Variants in PAH observed in about 807,000 individuals in gnomAD.
PAH encodes the protein phenylalanine hydroxylase.
In PAH, 64 loss-of-function variants were observed where a neutral mutation model predicts 62.0. The observed-to-expected ratio is 1.03, with a 90% CI of 0.84 to 1.27. The LOEUF (loss-of-function observed/expected upper bound fraction) is 1.27, where lower values mean the gene tolerates loss of function less well. PAH is among the 50% of genes most tolerant of loss of function. PAH has a pLI of 0.00. For missense variants in PAH, 579 were observed against 542.8 expected (o/e 1.07, Z -0.66); for synonymous variants, 195 against 196.2 (o/e 0.99, Z 0.05).
chr12:102,861,350 T>C (rs539166672), intron 5 of PAH, among the ~76,000 whole-genome samples: 2 of 152,284 alleles, frequency 1.3e-5, no homozygotes, highest in South Asian at 4.1e-4. Context: ...GGAGAGGATA[T>C]GGAGAAATAG....
chr12:102,944,245 T>C (rs7299942), intron 1 of PAH, among the ~76,000 whole-genome samples: 46,548 of 152,008 alleles, frequency 0.31, 7,978 homozygotes, highest in African/African-American at 0.47. Context: ...GGTAGTCCTA[T>C]TTGGGTTAAA....
chr12:102,927,222 G>T (rs1878708737), intron 1 of PAH, among the ~76,000 whole-genome samples: 2 of 151,812 alleles, frequency 1.3e-5, no homozygotes, highest in African/African-American at 2.4e-5. Context: ...AAAATGGAAG[G>T]CTTAGGAGTA....
At chr12:102,948,579 A>G (rs1879600592) in intron 1 of PAH, among the ~76,000 whole-genome samples, 1 of 152,206 alleles carries the variant, frequency 6.6e-6, no homozygotes, top group South Asian at 2.1e-4. Flanking sequence ...GTAATAACTT[A>G]CTGAGCCTCT....
intron 9 of PAH, among the ~76,000 whole-genome samples, chr12:102,845,411 AGACTGGG>A (rs1874793344): frequency 6.6e-6 from 1 of 152,214 alleles, no homozygotes; most frequent in Admixed American, 6.5e-5. Context: ...GGGAGGTAGC[AGACTGGG>A]TAGTGATAGA....
chr12:102,915,962 C>T (rs1326479128), intron 1 of PAH, among the ~76,000 whole-genome samples: 2 of 152,110 alleles, frequency 1.3e-5, no homozygotes, highest in African/African-American at 2.4e-5. Flanking sequence ...AACCCCTATG[C>T]TTTCCTGATG....
intron 2 of PAH, among the ~76,000 whole-genome samples, chr12:102,912,499 G>A (rs1878238299): frequency 6.6e-6 from 1 of 151,936 alleles, no homozygotes; most frequent in Admixed American, 6.6e-5. Context: ...AGTTAATCAT[G>A]CCTAATCACA....
intron 1 of PAH, among the ~76,000 whole-genome samples, chr12:102,948,607 T>C (rs934211352): frequency 2.6e-5 from 4 of 152,238 alleles, no homozygotes; most frequent in African/African-American, 9.6e-5. Flanking sequence ...CTCAAGTCAC[T>C]AGGGCATCCT....
intron 1 of PAH, among the ~76,000 whole-genome samples, chr12:102,930,166 GCTAT>G (rs1323160172): frequency 2.6e-5 from 4 of 152,054 alleles, no homozygotes; most frequent in Non-Finnish European, 5.9e-5. Flanking sequence ...AGTCACACAG[GCTAT>G]CTGAGTCCAA....
intron 2 of PAH, among the ~76,000 whole-genome samples, chr12:102,905,825 T>TAA (rs749063955): frequency 1.5e-5 from 2 of 134,866 alleles, no homozygotes; most frequent in Non-Finnish European, 1.6e-5. Context: ...CAGTGGAATT[T>TAA]AAAAAAAAAA....
chr12:102,911,947 T>C (rs1209804223), intron 2 of PAH, among the ~76,000 whole-genome samples: 2 of 152,226 alleles, frequency 1.3e-5, no homozygotes, highest in Non-Finnish European at 2.9e-5. Context: ...AATATTAGCA[T>C]AGTACTCGGA....
chr12:102,851,812 A>C, intron 7 of PAH, 56 bp from the exon 8 acceptor site: 1 of 1,344,948 alleles, frequency 7.4e-7, no homozygotes, highest in Non-Finnish European at 1.1e-6. Flanking sequence ...GCCAAGCCAG[A>C]CTCAGTCTTT....
chr12:102,861,472 C>A (rs1364179626), intron 5 of PAH, among the ~76,000 whole-genome samples: 1 of 152,152 alleles, frequency 6.6e-6, no homozygotes, highest in African/African-American at 2.4e-5. Context: ...ACAGCCATCC[C>A]ATTACTGGGT....
intron 3 of PAH, among the ~76,000 whole-genome samples, chr12:102,883,730 A>T (rs1381312231): frequency 6.6e-6 from 1 of 152,162 alleles, no homozygotes; most frequent in African/African-American, 2.4e-5. Flanking sequence ...TGGTGGCTTC[A>T]GGACCCCATC....
intron 11 of PAH, among the ~76,000 whole-genome samples, chr12:102,841,283 G>C (rs533926190): frequency 1.2e-3 from 176 of 152,280 alleles, no homozygotes; most frequent in Non-Finnish European, 1.7e-3. Flanking sequence ...GGGACATCAT[G>C]CAATACCATT....
At chr12:102,947,651 C>T (rs542081030) in intron 1 of PAH, among the ~76,000 whole-genome samples, 70 of 152,312 alleles carry the variant, frequency 4.6e-4, no homozygotes, top group African/African-American at 1.7e-3. Flanking sequence ...GATGAGTGAT[C>T]AGCAGGGCCA....
At chr12:102,916,223 C>A (rs1261123702) in intron 1 of PAH, among the ~76,000 whole-genome samples, 2 of 151,962 alleles carry the variant, frequency 1.3e-5, no homozygotes, top group Non-Finnish European at 2.9e-5. Flanking sequence ...TAACATTAAC[C>A]ATTCTTTTCT....
At chr12:102,867,402 A>G (rs1040507421) in intron 4 of PAH, among the ~76,000 whole-genome samples, 4 of 152,206 alleles carry the variant, frequency 2.6e-5, no homozygotes, top group Admixed American at 2.0e-4. Flanking sequence ...GCCTTTTCCC[A>G]GTGATTTGTA....
intron 1 of PAH, among the ~76,000 whole-genome samples, chr12:102,916,321 TG>T (rs1347703709): frequency 1.3e-5 from 2 of 152,208 alleles, no homozygotes; most frequent in Non-Finnish European, 2.9e-5. Flanking sequence ...TTCCCTGGCC[TG>T]GGCTTTATGA....
chr12:102,909,648 T>C (rs1324554862), intron 2 of PAH, among the ~76,000 whole-genome samples: 2 of 152,198 alleles, frequency 1.3e-5, no homozygotes, highest in Non-Finnish European at 2.9e-5. Flanking sequence ...GATTTAATTA[T>C]ATTTAAAAAC....
Sources: gnomAD v4.1 joint callset for allele counts (sites outside exome capture counted in the v4.1 genomes callset) on GRCh38, gnomAD v4.1.1 for gene constraint, MANE v1.5 for transcripts, NCBI Gene and HGNC (gene_info 2026-07-23, HGNC 2026-07-21) for gene names.